Variants in MBTPS2 observed in about 807,000 individuals in gnomAD.
MBTPS2 encodes membrane bound transcription factor peptidase, site 2.
In MBTPS2, 2 loss-of-function variants were observed where a neutral mutation model predicts 35.4. The ratio of observed to expected loss-of-function variants is 0.06; its 90% CI spans 0.02 to 0.18. The LOEUF (loss-of-function observed/expected upper bound fraction) is 0.18, where lower values mean the gene tolerates loss of function less well. Ranked by LOEUF, MBTPS2 falls within the 10% of genes least tolerant of loss-of-function variation. MBTPS2 has a pLI of 1.00. For missense variants in MBTPS2, 244 were observed against 386.5 expected (o/e 0.63, Z 3.09); for synonymous variants, 125 against 140.4 (o/e 0.89, Z 0.77).
In MBTPS2 at chrX:21,884,523, T is replaced by A; in HGVS notation, c.*1868T>A. 1 of 754,080 alleles carries A rather than the reference T, an allele frequency of 1.3e-6. No individual in the cohort carries two copies. Among genetic ancestry groups the A allele is most frequent in the Non-Finnish European group, 1.6e-6 (1 of 638,860 alleles). 62.1% of individuals were successfully genotyped at this position (754,080 alleles called of 1,213,427 possible). A position where few individuals can be genotyped will look rare whatever the true frequency, so the allele number is the denominator to read the frequency against. On this transcript the variant is annotated 3_prime_UTR_variant, in exon 11 of 11. Transcript: ENST00000379484. ...AAAAAAACGAAACCCAAATCTCATT[T>A]TATTTCAACTGTTAAACATTTTGAT...
intron 9 of MBTPS2, 86 bp downstream of exon 9, chrX:21,878,778 T>A: frequency 1.6e-6 from 1 of 626,677 alleles, no homozygotes; most frequent in Non-Finnish European, 2.7e-6. Context: ...ATCCTTGAAT[T>A]AATACATTTA....
intron 5 of MBTPS2, chrX:21,856,305 TTTCTCTGCAGCTCGC>T: frequency 2.7e-6 from 1 of 365,765 alleles, no homozygotes; most frequent in Non-Finnish European, 4.7e-6. Context: ...AGCTCGCGCC[TTTCTCTGCAGCTCGC>T]GCCTTTCTCT....
At chrX:21,848,631 G>C (rs2092911185) in intron 3 of MBTPS2, among the ~76,000 whole-genome samples, 1 of 111,302 alleles carries the variant, frequency 9.0e-6, no homozygotes, top group African/African-American at 3.3e-5. Context: ...AGTGAGCCGA[G>C]ATCGCGCGAC....
At chrX:21,876,886 A>G (rs2092953765) in intron 7 of MBTPS2, among the ~76,000 whole-genome samples, 1 of 112,194 alleles carries the variant, frequency 8.9e-6, no homozygotes, top group South Asian at 3.7e-4. Flanking sequence ...TTGTAATAGA[A>G]AAGCTTTTTG....
intron 8 of MBTPS2, 53 bp from the exon 9 acceptor site, chrX:21,878,444 T>C: frequency 2.2e-6 from 2 of 923,651 alleles, no homozygotes; most frequent in Non-Finnish European, 3.1e-6. Context: ...GGAATGTAAC[T>C]TAGGTTTTTC....
At chrX:21,878,746 C>T (rs1402865224) in intron 9 of MBTPS2, 54 bp downstream of exon 9, 1 of 813,562 alleles carries the variant, frequency 1.2e-6, no homozygotes, top group African/African-American at 2.0e-5. Context: ...CATATAGTCT[C>T]AGTGGTAGAG....
At chrX:21,854,812 T>C (rs756434525) in intron 5 of MBTPS2, among the ~76,000 whole-genome samples, 3 of 112,106 alleles carry the variant, frequency 2.7e-5, no homozygotes, top group Non-Finnish European at 5.6e-5. Context: ...CAAGTGCCCA[T>C]GGGACTTAAA....
chrX:21,880,378 C>T lies in MBTPS2; in HGVS notation c.1262-519C>T, dbSNP rs754486837. Among the ~76,000 whole-genome samples, 4 of 111,132 alleles carry T rather than the reference C, an allele frequency of 3.6e-5. No individual in the cohort carries two copies. In the East Asian group the frequency reaches 1.1e-3, roughly 31 times the overall value. On this transcript the variant is annotated intron_variant, in intron 9 of 10. Coordinates refer to ENST00000379484, the MANE Select transcript of MBTPS2 (RefSeq NM_015884.4). ...GTAGACTGTAACTATGAAATAAAAC[C>T]TCAACAAATGAATAAATGTCCCTAG...
chrX:21,882,954 T>G lies in MBTPS2; in HGVS notation c.*299T>G, dbSNP rs138293055. The G allele has an allele frequency of 2.6e-3, 2,455 of 949,302 alleles. 38 individuals carry two copies. The African/African-American group carries it at 0.044, about 17-fold the overall frequency. The allele number at this position is 949,302 out of a possible 1,213,427, so 78.2% of individuals were successfully genotyped here. A position where few individuals can be genotyped will look rare whatever the true frequency, so the allele number is the denominator to read the frequency against. ...TTCATGTAATACCGTTTTGTCTGATTACATATTGTGTTGAAATAGTATAAA... is the reference window on the plus strand; with the variant it reads ...TTCATGTAATACCGTTTTGTCTGATGACATATTGTGTTGAAATAGTATAAA... On this transcript the variant is annotated 3_prime_UTR_variant, in exon 11 of 11. Transcript: ENST00000379484.
rs2092963271 is a variant in MBTPS2 at position 21,885,091 on chromosome X, A to T, written c.*2436A>T. The T allele has an allele frequency of 1.3e-6, 1 of 748,545 alleles. No homozygotes were observed. Among genetic ancestry groups the T allele is most frequent in the Non-Finnish European group, 1.6e-6 (1 of 635,192 alleles). The allele number at this position is 748,545 out of a possible 1,213,427, so 61.7% of individuals were successfully genotyped here. ...TTGACAGTTTTTTTTAATCACCTAC[A>T]ATCTGTAAAGAATGTATATATTCTT... On this transcript the variant is annotated 3_prime_UTR_variant, in exon 11 of 11. Coordinates refer to ENST00000379484, the MANE Select transcript of MBTPS2 (RefSeq NM_015884.4).
intron 1 of MBTPS2, among the ~76,000 whole-genome samples, chrX:21,840,132 A>G (rs1244774915): frequency 1.8e-5 from 2 of 112,619 alleles, no homozygotes; most frequent in Admixed American, 9.4e-5. Context: ...GGAGGAAAAG[A>G]AAACGTCTGC....
chrX:21,866,154 T>C (rs766376276), intron 5 of MBTPS2, among the ~76,000 whole-genome samples: 13 of 111,367 alleles, frequency 1.2e-4, no homozygotes, highest in African/African-American at 4.2e-4. Flanking sequence ...TTTTCTACTG[T>C]TGCCCCAGTC....
Position 21,856,594 on chromosome X carries a change from C to T in MBTPS2, c.670+3091C>T. Reference sequence around the variant, plus strand: ...CCCCTTCCTATGGAGGACATTCCGACGGAAAGCGTCCAGTACGAGGATGTG... The same window carrying T: ...CCCCTTCCTATGGAGGACATTCCGATGGAAAGCGTCCAGTACGAGGATGTG... On this transcript the variant is annotated intron_variant, in intron 5 of 10. Coordinates refer to ENST00000379484, the MANE Select transcript of MBTPS2 (RefSeq NM_015884.4). 5.0e-6 allele frequency: 6 copies of T among 1,211,918 alleles called. No homozygotes were observed. The highest frequency in any genetic ancestry group is 6.7e-6 in the Non-Finnish European group (6 of 895,579).
intron 5 of MBTPS2, chrX:21,857,060 T>C: frequency 8.3e-7 from 1 of 1,211,652 alleles, no homozygotes; most frequent in Non-Finnish European, 1.1e-6. Flanking sequence ...CCCCTAACGA[T>C]AACAATGACC....
chrX:21,862,246 C>T (rs1289799374), intron 5 of MBTPS2, among the ~76,000 whole-genome samples: 4 of 110,412 alleles, frequency 3.6e-5, no homozygotes, highest in Non-Finnish European at 7.6e-5. Context: ...TATCTAGTGG[C>T]GTGTTAAGTG....
At chrX:21,867,784 G>A (rs958036848) in intron 5 of MBTPS2, among the ~76,000 whole-genome samples, 1 of 109,750 alleles carries the variant, frequency 9.1e-6, no homozygotes, top group Non-Finnish European at 1.9e-5. Context: ...GACTACAGAC[G>A]CGCGCCACCA....
In MBTPS2 at chrX:21,843,259, T is replaced by C. The variant is rs1480133358; in HGVS notation, c.165T>C (p.Ala55=). ...ISPFHIRWQT[A]VFNRAFYSWG... is the part of the protein sequence containing the mutation. Reference sequence around the variant, plus strand: ...CTTTCCACATAAGATGGCAAACTGCTGTTTTCAATCGTGCCTTTTACAGTT... The same window carrying C: ...CTTTCCACATAAGATGGCAAACTGCCGTTTTCAATCGTGCCTTTTACAGTT... Residue 55 remains alanine, a synonymous_variant, in exon 2 of 11, where the codon GCT becomes GCC. Transcript: ENST00000379484. 1.7e-6 allele frequency: 2 copies of C among 1,211,172 alleles called. No homozygotes were observed. Among genetic ancestry groups the C allele is most frequent in the Non-Finnish European group, 2.2e-6 (2 of 894,699 alleles).
In MBTPS2 at chrX:21,856,283, G is replaced by GCCTTTCTCTGCAGCTCGCC. The variant is rs1170244181; in HGVS notation, c.670+2798_670+2799insCCCTTTCTCTGCAGCTCGC. The GCCTTTCTCTGCAGCTCGCC allele has an allele frequency of 7.1e-6, 2 of 279,721 alleles. 1 individual carries two copies. Among genetic ancestry groups the GCCTTTCTCTGCAGCTCGCC allele is most frequent in the Non-Finnish European group, 1.2e-5 (2 of 173,245 alleles). The allele number at this position is 279,721 out of a possible 1,213,427, so 23.1% of individuals were successfully genotyped here. ...CGGCTCGTGCTTTCCTCAGTCTCGC[G>GCCTTTCTCTGCAGCTCGCC]CCTTTCTCTGCAGCTCGCGCCTTTC... On this transcript the variant is annotated intron_variant, in intron 5 of 10. Transcript: ENST00000379484.
chrX:21,866,637 T>G (rs963925489), intron 5 of MBTPS2, among the ~76,000 whole-genome samples: 1 of 111,737 alleles, frequency 8.9e-6, no homozygotes, highest in Non-Finnish European at 1.9e-5. Context: ...CTGAGAGATG[T>G]AGAAGATTTC....
Sources: allele counts gnomAD v4.1 joint callset (sites outside exome capture counted in the v4.1 genomes callset), GRCh38; gene constraint gnomAD v4.1.1; transcripts MANE v1.5; gene names NCBI Gene and HGNC (gene_info 2026-07-23, HGNC 2026-07-21).